The following SLC14A2 variants were observed in gnomAD, a reference collection of about 807,000 sequenced individuals.
SLC14A2 encodes the protein solute carrier family 14 member 2.
SLC14A2 carries 91 observed loss-of-function variants against 104.6 expected under a neutral mutation model. That is an observed-to-expected ratio of 0.87 (90% CI 0.73 to 1.04). SLC14A2 has a LOEUF of 1.04. SLC14A2 is among the 50% of genes least tolerant of loss of function. The pLI, the probability that SLC14A2 is intolerant of heterozygous loss-of-function variation, is 0.00. For synonymous variants in SLC14A2, 476 were observed against 466.4 expected (o/e 1.02, Z -0.27); for missense variants, 1,189 against 1,156.0 (o/e 1.03, Z -0.41).
the SLC14A2 span, among the ~76,000 whole-genome samples, chr18:45,205,176 C>T: frequency 6.6e-6 from 1 of 152,302 alleles, no homozygotes; most frequent in East Asian, 1.9e-4. Context: ...CAGACCTTCC[C>T]CTAGCAGCAC....
chr18:45,185,529 A>G, the SLC14A2 span, among the ~76,000 whole-genome samples: 1 of 152,158 alleles, frequency 6.6e-6, no homozygotes, highest in Non-Finnish European at 1.5e-5. Context: ...TAAACATACA[A>G]CAAATGTCAT....
the SLC14A2 span, among the ~76,000 whole-genome samples, chr18:45,174,175 A>C: frequency 6.6e-6 from 1 of 152,040 alleles, no homozygotes; most frequent in Non-Finnish European, 1.5e-5. Context: ...ACACCTAGGA[A>C]ATGAGTTTTC....
chr18:45,483,892 G>A (rs1474962755), intron 2 of SLC14A2, among the ~76,000 whole-genome samples: 1 of 152,192 alleles, frequency 6.6e-6, no homozygotes, highest in Non-Finnish European at 1.5e-5. Context: ...CACAAAGAAA[G>A]CTGCTCAAGA....
In SLC14A2 at chr18:45,682,504, C is replaced by T. The variant is rs758047317; in HGVS notation, c.2748C>T (p.Ala916=). The part of the protein sequence containing the change: ...RRASIITKYQ[A]YDVS ...CATCAATCATAACAAAGTATCAGGC[C>T]TACGATGTCTCCTAAGTTTCCCTGT... The change falls in exon 20 of 20, where the codon GCC becomes GCT. Residue 916 remains alanine, a synonymous_variant. Coordinates refer to ENST00000255226, the MANE Select transcript of SLC14A2 (RefSeq NM_007163.4). The T allele has an allele frequency of 1.4e-5, 23 of 1,613,902 alleles. No individual in the cohort carries two copies. The highest frequency in any genetic ancestry group is 1.9e-5 in the Non-Finnish European group (23 of 1,179,762).
chr18:45,249,678 G>A (rs2084402424), intron 1 of SLC14A2, among the ~76,000 whole-genome samples: 1 of 152,164 alleles, frequency 6.6e-6, no homozygotes, highest in South Asian at 2.1e-4. Flanking sequence ...GGCCAGGCAT[G>A]GTGGCTTACA....
intron 2 of SLC14A2, among the ~76,000 whole-genome samples, chr18:45,603,933 TCTTA>T (rs1198836120): frequency 6.6e-6 from 1 of 152,224 alleles, no homozygotes; most frequent in Non-Finnish European, 1.5e-5. Flanking sequence ...TGAAGAACAG[TCTTA>T]CTTAGAGAAC....
At chr18:45,502,579 A>G (rs950778240) in intron 2 of SLC14A2, among the ~76,000 whole-genome samples, 1 of 152,254 alleles carries the variant, frequency 6.6e-6, no homozygotes, top group African/African-American at 2.4e-5. Context: ...ATGAGATGCT[A>G]GAGTGATCAA....
intron 1 of SLC14A2, among the ~76,000 whole-genome samples, chr18:45,416,944 C>T (rs1005063879): frequency 1.3e-5 from 2 of 152,132 alleles, no homozygotes; most frequent in Admixed American, 1.3e-4. Flanking sequence ...AAAGGATCAG[C>T]GAGGTCCCAG....
intron 2 of SLC14A2, among the ~76,000 whole-genome samples, chr18:45,547,621 G>A (rs771625173): frequency 2.3e-4 from 35 of 152,178 alleles, no homozygotes; most frequent in Admixed American, 2.6e-4. Context: ...TCTGATGACC[G>A]CCTTGTGATC....
intron 1 of SLC14A2, among the ~76,000 whole-genome samples, chr18:45,402,528 C>T (rs1361121906): frequency 6.6e-6 from 1 of 152,170 alleles, no homozygotes; most frequent in Non-Finnish European, 1.5e-5. Flanking sequence ...TTCTAGATAA[C>T]TATACCATTT....
At chr18:45,654,939 G>A (rs949022) in intron 10 of SLC14A2, among the ~76,000 whole-genome samples, 114,505 of 152,060 alleles carry the variant, frequency 0.75, 44,027 homozygotes, top group Non-Finnish European at 0.83. Flanking sequence ...CCTCTGGGAT[G>A]TCACCTCTGG....
At chr18:45,371,637 C>T (rs2085723800) in intron 1 of SLC14A2, among the ~76,000 whole-genome samples, 1 of 152,204 alleles carries the variant, frequency 6.6e-6, no homozygotes, top group Admixed American at 6.5e-5. Flanking sequence ...AGAGCCTATT[C>T]TCTAAAACCT....
chr18:45,416,413 G>C (rs182224306), intron 1 of SLC14A2, among the ~76,000 whole-genome samples: 14 of 152,200 alleles, frequency 9.2e-5, no homozygotes, highest in Admixed American at 9.2e-4. Flanking sequence ...TGCACTGTAC[G>C]CTCTTTGGCT....
intron 18 of SLC14A2, among the ~76,000 whole-genome samples, chr18:45,674,624 T>G (rs1302587582): frequency 6.7e-6 from 1 of 150,022 alleles, no homozygotes; most frequent in East Asian, 1.9e-4. Context: ...AAAAAAAAAG[T>G]AGCTGTCATA....
intron 19 of SLC14A2, 32 bp downstream of exon 19, chr18:45,679,056 A>C (rs772054493): frequency 1.2e-5 from 19 of 1,604,136 alleles, no homozygotes; most frequent in Non-Finnish European, 1.4e-5. Context: ...ACGTGCCTAC[A>C]ACATCCTTCC....
chr18:45,537,779 G>T (rs943769173), intron 2 of SLC14A2, among the ~76,000 whole-genome samples: 3 of 152,160 alleles, frequency 2.0e-5, no homozygotes, highest in Non-Finnish European at 4.4e-5. Context: ...GATAAGAGTT[G>T]CCCCTAACTG....
intron 2 of SLC14A2, among the ~76,000 whole-genome samples, chr18:45,525,515 T>A (rs1161331565): frequency 6.6e-6 from 1 of 152,250 alleles, no homozygotes; most frequent in Admixed American, 6.5e-5. Flanking sequence ...TATTAACTCC[T>A]TTGACTTGTT....
intron 1 of SLC14A2, among the ~76,000 whole-genome samples, chr18:45,270,389 A>T (rs2084639643): frequency 6.6e-6 from 1 of 152,122 alleles, no homozygotes. Context: ...AAGAGAAGCC[A>T]CTTTCTGCTA....
At chr18:45,557,009 C>T (rs2044141509) in intron 2 of SLC14A2, among the ~76,000 whole-genome samples, 1 of 152,228 alleles carries the variant, frequency 6.6e-6, no homozygotes, top group African/African-American at 2.4e-5. Context: ...CAGGTTTATG[C>T]TACAGTGAAA....
Sources: gnomAD v4.1 joint callset for allele counts (sites outside exome capture counted in the v4.1 genomes callset) on GRCh38, gnomAD v4.1.1 for gene constraint, MANE v1.5 for transcripts, NCBI Gene and HGNC (gene_info 2026-07-23, HGNC 2026-07-21) for gene names.